HHAT: variants seen among roughly 807,000 people sequenced by gnomAD.
The protein encoded by HHAT is protein-cysteine N-palmitoyltransferase HHAT.
HHAT carries 47 observed loss-of-function variants against 70.8 expected under a neutral mutation model. The observed-to-expected ratio is 0.66, with a 90% confidence interval of 0.53 to 0.85. The LOEUF (loss-of-function observed/expected upper bound fraction) is 0.85, where lower values mean the gene tolerates loss of function less well. Among genes scored for constraint, HHAT ranks in the 40% least tolerant of loss-of-function variants. HHAT has a pLI of 0.00. For missense variants in HHAT, 609 were observed against 604.8 expected (o/e 1.01, Z -0.07); for synonymous variants, 228 against 247.6 (o/e 0.92, Z 0.74).
In HHAT at chr1:210,588,052, A is replaced by G; in HGVS notation, c.1198A>G (p.Asn400Asp). 6.2e-7 allele frequency: 1 copy of G among 1,613,344 alleles called. No individual in the cohort carries two copies. Among genetic ancestry groups the G allele is most frequent in the South Asian group, 1.1e-5 (1 of 90,984 alleles). The change falls in exon 10 of 12, where the codon AAT becomes GAT. Residue 400 changes from asparagine to aspartate, a missense_variant. Asn to Asp is a conservative substitution (Grantham distance 23). Transcript: ENST00000261458. ...ALNWLGVTVE[N>D]GVRRLVETPC... The stretch of plus-strand genomic sequence containing the variant: ...CAACTGGCTGGGAGTCACTGTGGAG[A>G]ATGGAGTCCGGAGGCTGGTGGAGAC...
chr1:210,334,436 A>G (rs1014387085), intron 1 of HHAT, among the ~76,000 whole-genome samples: 3 of 151,932 alleles, frequency 2.0e-5, no homozygotes, highest in African/African-American at 7.2e-5. Flanking sequence ...GATTACAGGC[A>G]TGAGCCACCA....
chr1:210,547,736 G>A (rs17188344), intron 9 of HHAT, among the ~76,000 whole-genome samples: 19,386 of 152,216 alleles, frequency 0.13, 1,583 homozygotes, highest in South Asian at 0.2. Flanking sequence ...AGACTTCCGA[G>A]TTTCCCTCCG....
chr1:210,477,767 G>A (rs1305462079), intron 8 of HHAT, among the ~76,000 whole-genome samples: 1 of 152,196 alleles, frequency 6.6e-6, no homozygotes, highest in Non-Finnish European at 1.5e-5. Flanking sequence ...AGTCAGGCAA[G>A]GTTGCTTGCT....
intron 10 of HHAT, among the ~76,000 whole-genome samples, chr1:210,617,760 C>T (rs1668027958): frequency 6.6e-6 from 1 of 152,184 alleles, no homozygotes; most frequent in Non-Finnish European, 1.5e-5. Context: ...GCCTTCATTG[C>T]TGCAGGTATT....
chr1:210,652,572 A>G (rs1675381658), intron 11 of HHAT, among the ~76,000 whole-genome samples: 1 of 152,174 alleles, frequency 6.6e-6, no homozygotes, highest in African/African-American at 2.4e-5. Context: ...GGCCCTGCCT[A>G]TGGAGGCTCC....
At position 210,616,957 on chromosome 1, in the gene HHAT, G is replaced by C. The variant is rs547217608; in HGVS notation, c.1246-6569G>C. Among the ~76,000 whole-genome samples, 37 of 152,308 alleles carry C rather than the reference G, an allele frequency of 2.4e-4. No homozygotes were observed. The South Asian group carries it at 7.7e-3, about 32-fold the overall frequency. On this transcript the variant is annotated intron_variant, in intron 10 of 11. Coordinates refer to ENST00000261458, the MANE Select transcript of HHAT (RefSeq NM_018194.6). ...CATGGGTTATAGAAACACAGAAATT[G>C]GGTGACTGACTTTGCTAGGATTGGG...
Position 210,570,751 on chromosome 1 carries a change from G to A in HHAT, c.1044-17147G>A, listed in dbSNP as rs1573408916. 3.9e-5 allele frequency among the ~76,000 whole-genome samples: 6 copies of A among 152,306 alleles called. No individual in the cohort carries two copies. The South Asian group carries it at 1.2e-3, about 32-fold the overall frequency. On this transcript the variant is annotated intron_variant, in intron 9 of 11. Coordinates refer to ENST00000261458, the MANE Select transcript of HHAT (RefSeq NM_018194.6). ...TAATAGTGTGATTTGAAGTGACTGA[G>A]CTGCAGGAGAAGTCACTTAAGGCAG...
At chr1:210,390,249 A>C (rs561096548) in intron 4 of HHAT, among the ~76,000 whole-genome samples, 1 of 152,314 alleles carries the variant, frequency 6.6e-6, no homozygotes, top group African/African-American at 2.4e-5. Flanking sequence ...TTAAAACAGA[A>C]GGACACATAA....
intron 10 of HHAT, among the ~76,000 whole-genome samples, chr1:210,600,648 T>A (rs1664058083): frequency 6.6e-6 from 1 of 152,128 alleles, no homozygotes; most frequent in African/African-American, 2.4e-5. Context: ...TGGGTGGACG[T>A]AGAGGAGTTA....
chr1:210,583,769 C>T (rs2148774320), intron 9 of HHAT, among the ~76,000 whole-genome samples: 1 of 152,062 alleles, frequency 6.6e-6, no homozygotes, highest in East Asian at 1.9e-4. Flanking sequence ...GGCAAAGTAA[C>T]AGCCATGGTT....
chr1:210,520,055 A>G (rs11119519), intron 9 of HHAT, among the ~76,000 whole-genome samples: 97,029 of 151,550 alleles, frequency 0.64, 32,935 homozygotes, highest in Non-Finnish European at 0.77. Context: ...TCACTCTATC[A>G]CCCAGACTGG....
chr1:210,459,529 G>A (rs1246300163), intron 7 of HHAT, among the ~76,000 whole-genome samples: 1 of 152,162 alleles, frequency 6.6e-6, no homozygotes, highest in Non-Finnish European at 1.5e-5. Context: ...CAGATCATAA[G>A]AAGGAAGTAT....
rs578003923 is a variant in HHAT at position 210,660,196 on chromosome 1, T to C, written c.1391-14092T>C. Among the ~76,000 whole-genome samples, 38 of 152,350 alleles carry C rather than the reference T, an allele frequency of 2.5e-4. No individual in the cohort carries two copies. In the South Asian group the frequency reaches 7.7e-3, roughly 31 times the overall value. On this transcript the variant is annotated intron_variant, in intron 11 of 11. Transcript: ENST00000261458. ...GTCTCAGCCGAAAATCTCCTTAAGC[T>C]GATAAGCAACTTCAGCAAAGTCTCA... is the stretch of plus-strand genomic sequence containing the variant.
intron 8 of HHAT, among the ~76,000 whole-genome samples, chr1:210,502,865 C>T (rs2094785162): frequency 6.6e-6 from 1 of 152,062 alleles, no homozygotes. Flanking sequence ...GGCACAACAC[C>T]TGGAGTGAAT....
chr1:210,489,862 C>G (rs1212599251), intron 8 of HHAT, among the ~76,000 whole-genome samples: 1 of 152,162 alleles, frequency 6.6e-6, no homozygotes, highest in East Asian at 1.9e-4. Flanking sequence ...GTATGCATCC[C>G]CCACAGCCCA....
At position 210,362,917 on chromosome 1, in the gene HHAT, A is replaced by G. The variant is rs1438602469; in HGVS notation, c.157A>G (p.Lys53Glu). The change falls in exon 3 of 12, where the codon AAG becomes GAG. Residue 53 changes from lysine to glutamate, a missense_variant and splice_region_variant. By Grantham distance (56) the Lys-to-Glu change is moderately conservative (BLOSUM62 1). Transcript: ENST00000261458. Reference protein sequence around the residue: ...ETDTLFGGLKKDATDFEWSFW... With the variant: ...ETDTLFGGLKEDATDFEWSFW... ...TGACACTTTATTTGGAGGATTAAAG[A>G]AGGTACAAAGTGGATGCATAATAAA... is the stretch of plus-strand genomic sequence containing the variant. 6.2e-7 allele frequency: 1 copy of G among 1,607,672 alleles called. No homozygotes were observed. The highest frequency in any genetic ancestry group is 1.7e-5 in the Admixed American group (1 of 60,008).
intron 9 of HHAT, among the ~76,000 whole-genome samples, chr1:210,567,051 G>T (rs1654932867): frequency 6.6e-6 from 1 of 152,184 alleles, no homozygotes. Flanking sequence ...GCACATCTCT[G>T]TCTCTGTGCC....
chr1:210,392,057 C>T (rs150915477), intron 4 of HHAT, among the ~76,000 whole-genome samples: 4 of 152,218 alleles, frequency 2.6e-5, no homozygotes, highest in African/African-American at 7.2e-5. Context: ...TTTGTAGAGA[C>T]GAGATCTTGC....
intron 2 of HHAT, among the ~76,000 whole-genome samples, chr1:210,354,933 A>G (rs1165382059): frequency 6.6e-6 from 1 of 152,150 alleles, no homozygotes; most frequent in Non-Finnish European, 1.5e-5. Flanking sequence ...AATAATTGAT[A>G]TTTTTATAAT....
Sources: allele counts gnomAD v4.1 joint callset (sites outside exome capture counted in the v4.1 genomes callset), GRCh38; gene constraint gnomAD v4.1.1; transcripts MANE v1.5; gene names NCBI Gene and HGNC (gene_info 2026-07-23, HGNC 2026-07-21).